Variants in TMEM240 observed in about 807,000 individuals in gnomAD.
The protein encoded by TMEM240 is transmembrane protein 240.
TMEM240 carries 3 observed loss-of-function variants against 19.5 expected under a neutral mutation model. The ratio of observed to expected loss-of-function variants is 0.15; its 90% CI spans 0.07 to 0.40. The LOEUF is 0.40. Among genes scored for constraint, TMEM240 ranks in the 10% least tolerant of loss-of-function variants. The pLI, the probability that TMEM240 is intolerant of heterozygous loss-of-function variation, is 1.00. For missense variants in TMEM240, 210 were observed against 253.5 expected (o/e 0.83, Z 1.17); for synonymous variants, 123 against 109.3 (o/e 1.13, Z -0.78).
At position 1,535,632 on chromosome 1, in the gene TMEM240, G is replaced by T. The variant is rs1280357796; in HGVS notation, c.330C>A (p.Val110=). The part of the protein sequence containing the change: ...ISWFLVWMDG[V]LHCAVRAWRA... ...TCCAGGCGCGCACGGCGCAGTGCAG[G>T]ACGCCGTCCATCCACACCAGGAACC... The change falls in exon 3 of 4, where the codon GTC becomes GTA. Residue 110 remains valine (V), a synonymous_variant. Coordinates refer to ENST00000378733, the MANE Select transcript of TMEM240 (RefSeq NM_001114748.2). This position sits in a 1 kb window ranked among gnomAD's most constrained non-coding sequence, Gnocchi z 8.2. 2.6e-6 allele frequency: 4 copies of T among 1,549,730 alleles called. No individual in the cohort carries two copies. The highest frequency in any genetic ancestry group is 3.5e-6 in the Non-Finnish European group (4 of 1,146,592).
Position 1,540,334 on chromosome 1 carries a change from C to A in TMEM240, c.13G>T (p.Ala5Ser). The A allele has an allele frequency of 1.6e-6, 2 of 1,274,746 alleles. No individual in the cohort carries two copies. Among genetic ancestry groups the A allele is most frequent in the Non-Finnish European group, 2.0e-6 (2 of 1,000,716 alleles). 79.0% of individuals were successfully genotyped at this position (1,274,746 alleles called of 1,614,324 possible). ...AGAATCATGAAGATCATGGTGTTCG[C>A]GCTCATGGACATCGGGCGGGGCCGG... The part of the protein sequence containing the change: MSMS[A>S]NTMIFMILGA... The change falls in exon 1 of 4, where the codon GCG (alanine) becomes TCG (serine). Residue 5 changes from alanine (A) to serine (S), a missense_variant. Ala to Ser is a moderately conservative substitution (Grantham distance 99). Around this residue, in one of 3 missense-constraint regions of TMEM240, gnomAD observed 30 missense variants for 27.7 expected, o/e 1.08. Coordinates refer to ENST00000378733, the MANE Select transcript of TMEM240 (RefSeq NM_001114748.2).
intron 2 of TMEM240, among the ~76,000 whole-genome samples, chr1:1,537,477 C>A (rs891795465): frequency 6.6e-6 from 1 of 152,116 alleles, no homozygotes; most frequent in Non-Finnish European, 1.5e-5. Context: ...CTTTGGGGGT[C>A]AGAGGTCACA....
At chr1:1,537,394 G>T (rs1642238393) in intron 2 of TMEM240, among the ~76,000 whole-genome samples, 1 of 152,108 alleles carries the variant, frequency 6.6e-6, no homozygotes, top group South Asian at 2.1e-4. Flanking sequence ...ATGTGCAGCT[G>T]CCAGAGGCCC....
rs990698695 is a variant in TMEM240 at position 1,536,630 on chromosome 1, C to G, written c.165-833G>C. The stretch of plus-strand genomic sequence containing the variant: ...CCTCTTGCTGCTGGGGCAACACAAG[C>G]TCCCCAAGGAGCTCGCCCCAGCAGC... On this transcript the variant is annotated intron_variant, in intron 2 of 3. Coordinates refer to ENST00000378733, the MANE Select transcript of TMEM240 (RefSeq NM_001114748.2). The surrounding 1 kb of genome is among the most constrained non-coding windows in gnomAD (Gnocchi z 5.4). 3.3e-5 allele frequency among the ~76,000 whole-genome samples: 5 copies of G among 152,148 alleles called. No individual in the cohort carries two copies. Among genetic ancestry groups the G allele is most frequent in the African/African-American group, 1.2e-4 (5 of 41,418 alleles).
chr1:1,540,007 G>A (rs1430405513), intron 1 of TMEM240, among the ~76,000 whole-genome samples: 1 of 110,214 alleles, frequency 9.1e-6, no homozygotes, highest in African/African-American at 3.6e-5. Context: ...GCGCAGGCCC[G>A]GGAGGGGACC....
chr1:1,540,258 AG>A, intron 1 of TMEM240, 31 bp downstream of exon 1: 3 of 1,250,258 alleles, frequency 2.4e-6, no homozygotes, highest in East Asian at 3.8e-5. Flanking sequence ...GGCGGGGAGC[AG>A]GGGGCGCGCG....
intron 1 of TMEM240, 94 bp from the exon 2 acceptor site, chr1:1,539,884 GC>G (rs1642274087): frequency 9.0e-7 from 1 of 1,112,224 alleles, no homozygotes; most frequent in East Asian, 2.8e-5. Flanking sequence ...GGCAGCGCAA[GC>G]GGGGAGCGAG....
At position 1,536,527 on chromosome 1, in the gene TMEM240, C is replaced by T. The variant is rs887069358; in HGVS notation, c.165-730G>A. 3.3e-5 allele frequency among the ~76,000 whole-genome samples: 5 copies of T among 152,182 alleles called. No homozygotes were observed. Among genetic ancestry groups the T allele is most frequent in the African/African-American group, 1.2e-4 (5 of 41,444 alleles). On this transcript the variant is annotated intron_variant, in intron 2 of 3. Transcript: ENST00000378733. The surrounding 1 kb of genome is among the most constrained non-coding windows in gnomAD (Gnocchi z 5.4). ...AGGGCCCTTTCGTCCTCAGTGCCTG[C>T]GCGCCTCCATGTCCCTCGGCCTCCC...
rs899666564 is a variant in TMEM240 at position 1,536,696 on chromosome 1, G to A, written c.165-899C>T. Among the ~76,000 whole-genome samples, 4 of 152,062 alleles carry A rather than the reference G, an allele frequency of 2.6e-5. No homozygotes were observed. The highest frequency in any genetic ancestry group is 6.5e-5 in the Admixed American group (1 of 15,286). ...AAGGTCTCCGGGCCTTGACTCTGCC[G>A]ATCGGACTGGCATCCCAGACAGTCA... On this transcript the variant is annotated intron_variant, in intron 2 of 3. Transcript: ENST00000378733. The surrounding 1 kb of genome is among the most constrained non-coding windows in gnomAD (Gnocchi z 5.4).
rs1020931562 is a variant in TMEM240, at chr1:1,535,111, G to T, written c.*248C>A. ...CCCCAGCACCGCTGGGGATGAGTCC[G>T]CCCTTGTGTCCTGCCCCCCAACTGC... On this transcript the variant is annotated 3_prime_UTR_variant, in exon 4 of 4. Coordinates refer to ENST00000378733, the MANE Select transcript of TMEM240 (RefSeq NM_001114748.2). The surrounding 1 kb of genome is among the most constrained non-coding windows in gnomAD (Gnocchi z 8.2). 4 of 264,626 alleles carry T rather than the reference G, an allele frequency of 1.5e-5. No individual in the cohort carries two copies. The highest frequency in any genetic ancestry group is 2.1e-5 in the Non-Finnish European group (3 of 141,216). The allele number at this position is 264,626 out of a possible 1,614,324, so 16.4% of individuals were successfully genotyped here. A position where few individuals can be genotyped will look rare whatever the true frequency, so the allele number is the denominator to read the frequency against.
Position 1,534,976 on chromosome 1 carries a change from G to A in TMEM240, c.*383C>T, listed in dbSNP as rs992375170. 1.5e-4 allele frequency among the ~76,000 whole-genome samples: 22 copies of A among 146,842 alleles called. No individual in the cohort carries two copies. The South Asian group carries it at 1.9e-3, about 13-fold the overall frequency. ...GGGCCAGACAGACGGTGGACGCAGC[G>A]CACGGGAAACAGCGCCTTCAAACAG... On this transcript the variant is annotated 3_prime_UTR_variant, in exon 4 of 4. Transcript: ENST00000378733.
rs939376861 is a variant in TMEM240, at chr1:1,536,395, G to A, written c.165-598C>T. 2.6e-5 allele frequency among the ~76,000 whole-genome samples: 4 copies of A among 152,166 alleles called. No individual in the cohort carries two copies. Among genetic ancestry groups the A allele is most frequent in the African/African-American group, 9.7e-5 (4 of 41,430 alleles). ...GGGAGGTGCTGTCGGAGGCCACGGG[G>A]GCTCTACCCAGCACCCCATCCTCTC... On this transcript the variant is annotated intron_variant, in intron 2 of 3. Transcript: ENST00000378733. This position sits in a 1 kb window ranked among gnomAD's most constrained non-coding sequence, Gnocchi z 5.4.
In TMEM240 at chr1:1,535,619, C is replaced by G. The variant is rs1045410944; in HGVS notation, c.343G>C (p.Val115Leu). 10 of 1,549,690 alleles carry G rather than the reference C, an allele frequency of 6.5e-6. No individual in the cohort carries two copies. Among genetic ancestry groups the G allele is most frequent in the Non-Finnish European group, 8.7e-6 (10 of 1,146,498 alleles). ...VWMDGVLHCAVRAWRAGRRYD... is the reference protein window; with the variant it reads ...VWMDGVLHCALRAWRAGRRYD... ...CGCCGTCCGGCTCTCCAGGCGCGCACGGCGCAGTGCAGGACGCCGTCCATC... is the reference window on the plus strand; with the variant it reads ...CGCCGTCCGGCTCTCCAGGCGCGCAGGGCGCAGTGCAGGACGCCGTCCATC... Residue 115 changes from valine to leucine, a missense_variant, in exon 3 of 4, where the codon GTG becomes CTG. This residue lies in a region of TMEM240 where 157 missense variants were observed against 168.2 expected (regional missense o/e 0.93). Transcript: ENST00000378733. The surrounding 1 kb of genome is among the most constrained non-coding windows in gnomAD (Gnocchi z 8.2).
Position 1,539,751 on chromosome 1 carries a change from G to C in TMEM240, c.97C>G (p.Arg33Gly), listed in dbSNP as rs1394121646. The stretch of plus-strand genomic sequence containing the variant: ...TGCGGGAGGATGTAGTTGTGGAATC[G>C]GTCCAGCAGCGCGTTCATGTCCATC... ...CLMDMNALLDRFHNYILPHLR... is the reference protein window; with the variant it reads ...CLMDMNALLDGFHNYILPHLR... The change falls in exon 2 of 4, where the codon CGA (arginine) becomes GGA (glycine). Residue 33 changes from arginine (R) to glycine (G), a missense_variant. Physicochemically the swap from Arg to Gly is moderately radical, Grantham distance 125. Coordinates refer to ENST00000378733, the MANE Select transcript of TMEM240 (RefSeq NM_001114748.2). The C allele has an allele frequency of 6.5e-6, 10 of 1,547,966 alleles. No homozygotes were observed. The South Asian group carries it at 1.2e-4, about 18-fold the overall frequency.
chr1:1,536,021 G>A lies in TMEM240; in HGVS notation c.165-224C>T, dbSNP rs901351558. Among the ~76,000 whole-genome samples, 15 of 152,102 alleles carry A rather than the reference G, an allele frequency of 9.9e-5. No individual in the cohort carries two copies. Among genetic ancestry groups the A allele is most frequent in the Non-Finnish European group, 1.9e-4 (13 of 67,990 alleles). On this transcript the variant is annotated intron_variant, in intron 2 of 3. Coordinates refer to ENST00000378733, the MANE Select transcript of TMEM240 (RefSeq NM_001114748.2). The surrounding 1 kb of genome is among the most constrained non-coding windows in gnomAD (Gnocchi z 5.4). ...TCAGTGGCCATGGGCTGTGGAGGCC[G>A]AGCGTGAAGTCCGGGCAGACAGCGG...
chr1:1,538,110 G>A (rs1233121340), intron 2 of TMEM240, among the ~76,000 whole-genome samples: 3 of 152,184 alleles, frequency 2.0e-5, no homozygotes, highest in African/African-American at 4.8e-5. Context: ...GCAGCTACAC[G>A]GAGACATCTT....
rs994275115 is a variant in TMEM240 at position 1,535,549 on chromosome 1, G to A, written c.373+40C>T. 1.9e-6 allele frequency: 3 copies of A among 1,542,688 alleles called. No homozygotes were observed. The highest frequency in any genetic ancestry group is 2.6e-6 in the Non-Finnish European group (3 of 1,142,574). ...GCGGTCAGGCGGCTGGGGCCGGCCAGGGCGGCAGCACTCCCGGGCGGCGGG... is the reference window on the plus strand; with the variant it reads ...GCGGTCAGGCGGCTGGGGCCGGCCAAGGCGGCAGCACTCCCGGGCGGCGGG... On this transcript the variant is annotated intron_variant, in intron 3 of 3. Transcript: ENST00000378733. The surrounding 1 kb of genome is among the most constrained non-coding windows in gnomAD (Gnocchi z 8.2).
Position 1,536,963 on chromosome 1 carries a change from G to A in TMEM240, c.165-1166C>T, listed in dbSNP as rs576036811. Among the ~76,000 whole-genome samples the A allele has an allele frequency of 2.6e-5, 4 of 152,068 alleles. No homozygotes were observed. The highest frequency in any genetic ancestry group is 2.1e-4 in the South Asian group (1 of 4,806). On this transcript the variant is annotated intron_variant, in intron 2 of 3. Coordinates refer to ENST00000378733, the MANE Select transcript of TMEM240 (RefSeq NM_001114748.2). This position sits in a 1 kb window ranked among gnomAD's most constrained non-coding sequence, Gnocchi z 5.4. ...CAGCGCCTCAGCCTGGTTTTCAGCC[G>A]AGACCCAGAGACCACCCCACCCTCC...
In TMEM240 at chr1:1,540,394, C is replaced by A. The variant is rs1446083645; in HGVS notation, c.-48G>T. 5.5e-6 allele frequency: 5 copies of A among 916,616 alleles called. No homozygotes were observed. Among genetic ancestry groups the A allele is most frequent in the South Asian group, 5.1e-5 (1 of 19,548 alleles). 56.8% of individuals were successfully genotyped at this position (916,616 alleles called of 1,614,324 possible). On this transcript the variant is annotated 5_prime_UTR_variant, in exon 1 of 4. Coordinates refer to ENST00000378733, the MANE Select transcript of TMEM240 (RefSeq NM_001114748.2). ...GAGCGCCGCCCCCCGGCCCCGGCGC[C>A]CCCCCGGCCCCGGCCCGATGCTGAG...
Sources: gnomAD v4.1 joint callset for allele counts (sites outside exome capture counted in the v4.1 genomes callset) on GRCh38, gnomAD v4.1.1 for gene constraint, gnomAD v4.1.1 regional missense constraint, Gnocchi (gnomAD v3.1) non-coding constraint, MANE v1.5 for transcripts, NCBI Gene and HGNC (gene_info 2026-07-23, HGNC 2026-07-21) for gene names.